SYNE1: variants seen among roughly 807,000 people sequenced by gnomAD.
The protein encoded by SYNE1 is spectrin repeat containing nuclear envelope protein 1.
A neutral mutation model predicts 1,111.0 loss-of-function variants in SYNE1; 616 were observed. That is an observed-to-expected ratio of 0.55 (90% CI 0.52 to 0.59). The LOEUF is 0.59. Among genes scored for constraint, SYNE1 ranks in the 20% least tolerant of loss-of-function variants. The probability of loss-of-function intolerance (pLI) is 0.00; values close to 1 mark genes in which losing one functional copy is unlikely to be tolerated. For missense variants in SYNE1, 10,006 were observed against 10,417.0 expected, an observed-to-expected ratio of 0.96 and a Z score of 1.72; for synonymous variants, 3,855 against 3,825.8, an observed-to-expected ratio of 1.01 and a Z score of -0.28.
intron 108 of SYNE1, among the ~76,000 whole-genome samples, chr6:152,237,547 T>C (rs1309640419): frequency 6.6e-6 from 1 of 152,048 alleles, no homozygotes; most frequent in Non-Finnish European, 1.5e-5. Flanking sequence ...ACTCCTGGTA[T>C]CAAAAGATCC....
At chr6:152,269,627 T>C (rs1589101988) in intron 98 of SYNE1, among the ~76,000 whole-genome samples, 1 of 152,316 alleles carries the variant, frequency 6.6e-6, no homozygotes, top group African/African-American at 2.4e-5. Flanking sequence ...GTTTGTTTTT[T>C]AAGTCACACA....
At position 152,367,406 on chromosome 6, in the gene SYNE1, C is replaced by T. The variant is rs201895263; in HGVS notation, c.9808-24G>A. ...TCCTGGAAATGACAGAAATGGTTTTCGAGCTGTCCATCCCACAGAGACAAA... is the reference window on the plus strand; with the variant it reads ...TCCTGGAAATGACAGAAATGGTTTTTGAGCTGTCCATCCCACAGAGACAAA... On this transcript the variant is annotated intron_variant, in intron 61 of 145. Transcript: ENST00000367255. 2.6e-4 allele frequency: 412 copies of T among 1,612,506 alleles called. 1 individual carries two copies. In the African/African-American group the frequency reaches 5.0e-3, roughly 20 times the overall value.
intron 87 of SYNE1, among the ~76,000 whole-genome samples, chr6:152,312,398 G>A (rs1186629576): frequency 2.7e-5 from 4 of 150,494 alleles, no homozygotes; most frequent in Non-Finnish European, 5.9e-5. Context: ...TAGTAGAGAC[G>A]GGGTTTCTCC....
intron 3 of SYNE1, among the ~76,000 whole-genome samples, chr6:152,542,771 G>A (rs1012072570): frequency 2.6e-5 from 4 of 152,016 alleles, no homozygotes; most frequent in Non-Finnish European, 1.5e-5. Context: ...TTTGACCTGA[G>A]AATCTTTAGG....
chr6:152,441,100 AAT>A (rs768764549), intron 32 of SYNE1, 28 bp downstream of exon 32: 2 of 1,612,228 alleles, frequency 1.2e-6, no homozygotes, highest in Non-Finnish European at 1.7e-6. Context: ...GTTTTTTCTG[AAT>A]ATTGGGTACC....
At chr6:152,503,909 G>T (rs1219943355) in intron 9 of SYNE1, among the ~76,000 whole-genome samples, 1 of 151,976 alleles carries the variant, frequency 6.6e-6, no homozygotes, top group Non-Finnish European at 1.5e-5. Flanking sequence ...ATAGCTTTTG[G>T]TCTACCTAAT....
intron 51 of SYNE1, among the ~76,000 whole-genome samples, chr6:152,392,091 A>G (rs1219851338): frequency 6.6e-6 from 1 of 151,996 alleles, no homozygotes; most frequent in African/African-American, 2.4e-5. Context: ...ACACCAATTC[A>G]GGGTGGGTGG....
intron 63 of SYNE1, 139 bp downstream of exon 63, chr6:152,364,708 G>A: frequency 5.7e-6 from 5 of 879,916 alleles, no homozygotes; most frequent in Non-Finnish European, 9.1e-6. Flanking sequence ...AAGGAAGGAA[G>A]GAAGGAAGGA....
At chr6:152,244,194 A>T (rs1182379728) in intron 106 of SYNE1, among the ~76,000 whole-genome samples, 2 of 152,200 alleles carry the variant, frequency 1.3e-5, no homozygotes, top group Non-Finnish European at 2.9e-5. Flanking sequence ...ACGAGGGTAG[A>T]TATCCCTTTT....
intron 33 of SYNE1, chr6:152,434,789 C>T (rs1383375413): frequency 6.6e-6 from 1 of 151,832 alleles, no homozygotes; most frequent in Non-Finnish European, 1.5e-5. Flanking sequence ...AAAGAATGTC[C>T]CTGTTTACCA....
At chr6:152,324,205 C>G (rs1035242150) in intron 81 of SYNE1, among the ~76,000 whole-genome samples, 1 of 151,880 alleles carries the variant, frequency 6.6e-6, no homozygotes, top group Non-Finnish European at 1.5e-5. Context: ...TTGAGACAAG[C>G]CTGACAAACA....
At chr6:152,145,436 G>T (rs771789857) in intron 137 of SYNE1, 2 of 1,536,988 alleles carry the variant, frequency 1.3e-6, no homozygotes, top group African/African-American at 1.4e-5. Flanking sequence ...AAGAGAGGAG[G>T]ATTGCTATAC....
chr6:152,608,694 G>C (rs1348961636), intron 3 of SYNE1, among the ~76,000 whole-genome samples: 1 of 152,186 alleles, frequency 6.6e-6, no homozygotes, highest in Non-Finnish European at 1.5e-5. Flanking sequence ...CCAGCACTTT[G>C]GGAAGCCAAG....
At chr6:152,139,142 T>C (rs6936626) in intron 140 of SYNE1, among the ~76,000 whole-genome samples, 69,340 of 151,744 alleles carry the variant, frequency 0.46, 16,225 homozygotes, top group African/African-American at 0.56. Context: ...AAAGAGTTCT[T>C]GTAGGTCCCA....
Position 152,242,390 on chromosome 6 carries a change from C to A in SYNE1, c.19743G>T (p.Leu6581=). 1 of 1,614,074 alleles carries A rather than the reference C, an allele frequency of 6.2e-7. No homozygotes were observed. The highest frequency in any genetic ancestry group is 8.5e-7 in the Non-Finnish European group (1 of 1,180,002). ...MMIIGSRRSG[L]NQNLTLKSQY... ...GACTCTTGAGTGTAAGGTTCTGATT[C>A]AGACCACTCCTCCGGGAGCCAATGA... The change falls in exon 107 of 146, where the codon CTG becomes CTT. Residue 6581 remains leucine (L), a synonymous_variant. Transcript: ENST00000367255.
At chr6:152,262,221 T>G in intron 100 of SYNE1, 33 bp from the exon 101 acceptor site, 2 of 1,606,156 alleles carry the variant, frequency 1.2e-6, no homozygotes, top group Non-Finnish European at 1.7e-6. Context: ...AAGTTTACAA[T>G]GTGCACAAAA....
intron 111 of SYNE1, among the ~76,000 whole-genome samples, chr6:152,234,419 T>G (rs905558037): frequency 6.6e-5 from 10 of 152,000 alleles, no homozygotes; most frequent in Middle Eastern, 3.4e-3. Flanking sequence ...CTCAGCCTCC[T>G]GAGTAGCTGG....
intron 127 of SYNE1, among the ~76,000 whole-genome samples, chr6:152,199,153 C>T (rs2074858223): frequency 1.3e-5 from 2 of 152,038 alleles, no homozygotes; most frequent in Admixed American, 1.3e-4. Context: ...AATCTTTCTG[C>T]CATCTACTCA....
chr6:152,434,322 A>G (rs971942304), intron 33 of SYNE1: 2 of 216,324 alleles, frequency 9.2e-6, no homozygotes, highest in East Asian at 1.2e-4. Flanking sequence ...CAGCTTTTCA[A>G]TAGTCCTATT....
Sources: allele counts gnomAD v4.1 joint callset (sites outside exome capture counted in the v4.1 genomes callset), GRCh38; gene constraint gnomAD v4.1.1; transcripts MANE v1.5; gene names NCBI Gene and HGNC (gene_info 2026-07-23, HGNC 2026-07-21).